Variants in VWC2L observed in about 807,000 individuals in gnomAD.
The protein encoded by VWC2L is von Willebrand factor C domain-containing protein 2-like.
In VWC2L, 10 loss-of-function variants were observed where a neutral mutation model predicts 21.6. That is an observed-to-expected ratio of 0.46 (90% CI 0.29 to 0.78). VWC2L has a LOEUF of 0.78. Among genes scored for constraint, VWC2L ranks in the 30% least tolerant of loss-of-function variants. The pLI is 0.10. For missense variants in VWC2L, 209 were observed against 277.1 expected, an observed-to-expected ratio of 0.75 and a Z score of 1.74; for synonymous variants, 96 against 94.3, an observed-to-expected ratio of 1.02 and a Z score of -0.10.
chr2:214,468,196 T>C (rs973937467), intron 3 of VWC2L, among the ~76,000 whole-genome samples: 1 of 152,140 alleles, frequency 6.6e-6, no homozygotes. Context: ...TTTGTGTTTT[T>C]ATTAAAGACG....
intron 3 of VWC2L, among the ~76,000 whole-genome samples, chr2:214,465,770 G>A (rs1703206808): frequency 6.6e-6 from 1 of 152,154 alleles, no homozygotes; most frequent in Admixed American, 6.5e-5. Flanking sequence ...TGTGGTGGTA[G>A]GTGTAGCCAG....
intron 3 of VWC2L, among the ~76,000 whole-genome samples, chr2:214,568,047 C>T (rs1309217238): frequency 2.0e-5 from 3 of 152,220 alleles, no homozygotes; most frequent in East Asian, 3.9e-4. Flanking sequence ...AGTACTCAAC[C>T]GAGGAAACGG....
intron 3 of VWC2L, among the ~76,000 whole-genome samples, chr2:214,497,739 T>C (rs889941654): frequency 3.9e-5 from 6 of 152,208 alleles, no homozygotes; most frequent in African/African-American, 1.4e-4. Context: ...ATCCCAGACC[T>C]GATGAATCAG....
intron 3 of VWC2L, among the ~76,000 whole-genome samples, chr2:214,463,648 A>C (rs1221378122): frequency 6.6e-6 from 1 of 152,082 alleles, no homozygotes; most frequent in Non-Finnish European, 1.5e-5. Context: ...AATTAACTGA[A>C]TATTGTATGA....
At chr2:214,560,829 C>T (rs554097161) in intron 3 of VWC2L, among the ~76,000 whole-genome samples, 1 of 152,292 alleles carries the variant, frequency 6.6e-6, no homozygotes, top group Admixed American at 6.5e-5. Flanking sequence ...ATCAAAGAAA[C>T]ACAATAATGA....
intron 3 of VWC2L, among the ~76,000 whole-genome samples, chr2:214,567,759 C>G (rs1218819715): frequency 1.3e-5 from 2 of 152,082 alleles, no homozygotes; most frequent in African/African-American, 4.8e-5. Flanking sequence ...GGTGCTGTAT[C>G]CCACCCCACG....
intron 3 of VWC2L, among the ~76,000 whole-genome samples, chr2:214,504,613 T>G (rs1190034705): frequency 6.6e-6 from 1 of 152,198 alleles, no homozygotes; most frequent in Non-Finnish European, 1.5e-5. Context: ...CTGAAAATCG[T>G]ACCCCAGTAT....
At chr2:214,445,674 T>G (rs1450382917) in intron 3 of VWC2L, among the ~76,000 whole-genome samples, 2 of 151,884 alleles carry the variant, frequency 1.3e-5, no homozygotes, top group African/African-American at 2.4e-5. Context: ...TGCTAATAGA[T>G]AATTTTTATT....
rs1389218798 is a variant in VWC2L at position 214,411,087 on chromosome 2, G to C, written c.-780G>C. On this transcript the variant is annotated 5_prime_UTR_variant, in exon 1 of 4. Transcript: ENST00000312504. ...CTAAAGCAGCTCTGGGATTTCGACA[G>C]AGCTGGGCTCAGAAGCCAGTTGTTG... is the stretch of plus-strand genomic sequence containing the variant. 6.6e-6 allele frequency: 1 copy of C among 152,236 alleles called. No homozygotes were observed. The allele number at this position is 152,236 out of a possible 1,614,324, so 9.4% of individuals were successfully genotyped here.
intron 3 of VWC2L, among the ~76,000 whole-genome samples, chr2:214,461,468 G>A (rs1703139349): frequency 6.6e-6 from 1 of 152,170 alleles, no homozygotes; most frequent in Non-Finnish European, 1.5e-5. Flanking sequence ...GGCAGTAGTG[G>A]CAGGCTGGGT....
chr2:214,521,442 C>T (rs2105911332), intron 3 of VWC2L, among the ~76,000 whole-genome samples: 1 of 152,248 alleles, frequency 6.6e-6, no homozygotes, highest in African/African-American at 2.4e-5. Flanking sequence ...ACTAATTCTG[C>T]ATTTCCTGCT....
At chr2:214,510,272 T>C (rs190414904) in intron 3 of VWC2L, 1 of 152,212 alleles carries the variant, frequency 6.6e-6, no homozygotes, top group East Asian at 1.9e-4. Context: ...TTTTGTGGTC[T>C]CTGTGGCTGT....
At position 214,575,638 on chromosome 2, in the gene VWC2L, T is replaced by G. The variant is rs569382921; in HGVS notation, c.521-34T>G. The G allele has an allele frequency of 6.2e-6, 10 of 1,608,254 alleles. 1 individual carries two copies. The African/African-American group carries it at 1.3e-4, about 21-fold the overall frequency. On this transcript the variant is annotated intron_variant, in intron 3 of 3. Transcript: ENST00000312504. ...TGGGGAGAAAGGGAGCCTCTCAGAT[T>G]TAATCAACTAATCAATGTATCTGTG...
At chr2:214,474,365 C>T (rs7579248) in intron 3 of VWC2L, among the ~76,000 whole-genome samples, 6 of 151,978 alleles carry the variant, frequency 3.9e-5, no homozygotes, top group Non-Finnish European at 5.9e-5. Flanking sequence ...TCATCTATCT[C>T]AGGCTCAGTT....
At chr2:214,437,829 A>T (rs1005352958) in intron 3 of VWC2L, among the ~76,000 whole-genome samples, 2 of 152,130 alleles carry the variant, frequency 1.3e-5, no homozygotes, top group African/African-American at 4.8e-5. Context: ...GTTATTTCTG[A>T]TAATAATTTT....
intron 2 of VWC2L, among the ~76,000 whole-genome samples, chr2:214,432,447 G>A (rs1254185446): frequency 6.6e-6 from 1 of 152,196 alleles, no homozygotes; most frequent in African/African-American, 2.4e-5. Context: ...CCTCCCTGGG[G>A]AGGTGGCATT....
chr2:214,495,501 G>A (rs1389615000), intron 3 of VWC2L, among the ~76,000 whole-genome samples: 4 of 152,194 alleles, frequency 2.6e-5, no homozygotes, highest in South Asian at 4.1e-4. Flanking sequence ...CATCAGTTTT[G>A]CCCAGTTGAT....
chr2:214,452,284 A>T (rs545744271), intron 3 of VWC2L, among the ~76,000 whole-genome samples: 1 of 152,166 alleles, frequency 6.6e-6, no homozygotes, highest in African/African-American at 2.4e-5. Flanking sequence ...GCCTCCCAGT[A>T]GCTGGGACTA....
intron 3 of VWC2L, among the ~76,000 whole-genome samples, chr2:214,562,734 A>G (rs149208387): frequency 4.6e-4 from 70 of 152,270 alleles, no homozygotes; most frequent in African/African-American, 1.2e-3. Flanking sequence ...TTCTTTAACT[A>G]TCAGTGATGT....
Sources: allele counts gnomAD v4.1 joint callset (sites outside exome capture counted in the v4.1 genomes callset), GRCh38; gene constraint gnomAD v4.1.1; transcripts MANE v1.5; gene names NCBI Gene and HGNC (gene_info 2026-07-23, HGNC 2026-07-21).